The following RUNX1 variants were observed in gnomAD, a reference collection of about 807,000 sequenced individuals.
RUNX1 encodes RUNX family transcription factor 1.
A neutral mutation model predicts 42.8 loss-of-function variants in RUNX1; 19 were observed. The ratio of observed to expected loss-of-function variants is 0.44; its 90% CI spans 0.31 to 0.65. The LOEUF (loss-of-function observed/expected upper bound fraction) is 0.65. RUNX1 is among the 30% of genes least tolerant of loss of function. The probability of loss-of-function intolerance (pLI) is 0.07; values close to 1 mark genes in which losing one functional copy is unlikely to be tolerated. For missense variants in RUNX1, 528 were observed against 672.0 expected (o/e 0.79, Z 2.37); for synonymous variants, 271 against 289.4 (o/e 0.94, Z 0.64).
intron 5 of RUNX1, among the ~76,000 whole-genome samples, chr21:34,861,674 G>T (rs1359737818): frequency 6.6e-6 from 1 of 152,144 alleles, no homozygotes; most frequent in Non-Finnish European, 1.5e-5. Flanking sequence ...ATGGCATTGA[G>T]ATGCTGAGGT....
At chr21:34,973,159 T>A (rs2058775095) in intron 2 of RUNX1, among the ~76,000 whole-genome samples, 1 of 152,218 alleles carries the variant, frequency 6.6e-6, no homozygotes, top group African/African-American at 2.4e-5. Flanking sequence ...CAGTCCTGCA[T>A]GCTTATATGG....
intron 7 of RUNX1, among the ~76,000 whole-genome samples, chr21:34,819,897 G>C (rs1190587445): frequency 6.6e-6 from 1 of 152,236 alleles, no homozygotes; most frequent in Non-Finnish European, 1.5e-5. Flanking sequence ...CAGCCCCCAA[G>C]CAGGCTTAAA....
chr21:34,928,621 A>G (rs2058414672), intron 2 of RUNX1, among the ~76,000 whole-genome samples: 1 of 151,620 alleles, frequency 6.6e-6, no homozygotes, highest in African/African-American at 2.4e-5. Flanking sequence ...TGGAGGTTGC[A>G]GTGAGCCAAG....
intron 7 of RUNX1, among the ~76,000 whole-genome samples, chr21:34,816,885 T>G (rs940843242): frequency 1.3e-5 from 2 of 152,150 alleles, no homozygotes; most frequent in African/African-American, 4.8e-5. Flanking sequence ...TTCGGAAGAA[T>G]GGAGCACCTT....
intron 2 of RUNX1, among the ~76,000 whole-genome samples, chr21:35,036,980 T>C (rs1218198342): frequency 1.3e-5 from 2 of 152,158 alleles, no homozygotes; most frequent in Non-Finnish European, 2.9e-5. Flanking sequence ...TGTGGTTTCT[T>C]CTGTACATGT....
rs1164128451 is a variant in RUNX1, at chr21:34,895,952, G to A, written c.59-2989C>T. On this transcript the variant is annotated intron_variant, in intron 2 of 8. Coordinates refer to ENST00000675419, the MANE Select transcript of RUNX1 (RefSeq NM_001754.5). ...GGGAGCTATAGCAGTTGTCAGACAA[G>A]GGGTCATGAGGATCTGGATTAAGCA... Among the ~76,000 whole-genome samples the A allele has an allele frequency of 4.1e-5, 6 of 148,072 alleles. No homozygotes were observed. In the East Asian group the frequency reaches 1.2e-3, roughly 29 times the overall value.
chr21:34,812,010 A>G (rs1359501909), intron 7 of RUNX1, among the ~76,000 whole-genome samples: 5 of 151,660 alleles, frequency 3.3e-5, no homozygotes, highest in Non-Finnish European at 7.4e-5. Context: ...CCCCTGAGAA[A>G]TAGCTCTCTT....
At chr21:34,888,816 C>G (rs1351677954) in intron 3 of RUNX1, 1 of 420,246 alleles carries the variant, frequency 2.4e-6, no homozygotes, top group Non-Finnish European at 3.3e-6. Context: ...TCAGCCAGGG[C>G]GCGGCTCGCC....
At chr21:35,011,855 A>T (rs1180177720) in intron 2 of RUNX1, among the ~76,000 whole-genome samples, 4 of 152,198 alleles carry the variant, frequency 2.6e-5, no homozygotes, top group Admixed American at 2.0e-4. Context: ...TCTCTGTTCA[A>T]ATAAAGTCTG....
At chr21:35,034,540 AC>A (rs1342768478) in intron 2 of RUNX1, among the ~76,000 whole-genome samples, 1 of 152,228 alleles carries the variant, frequency 6.6e-6, no homozygotes, top group African/African-American at 2.4e-5. Flanking sequence ...TCTCCAAAAA[AC>A]ATTCCAGATT....
chr21:34,871,039 C>G (rs1445658528), intron 5 of RUNX1, among the ~76,000 whole-genome samples: 1 of 152,198 alleles, frequency 6.6e-6, no homozygotes, highest in Non-Finnish European at 1.5e-5. Flanking sequence ...TCTAATGTCA[C>G]TCATGATACC....
chr21:34,938,233 A>C (rs528367967), intron 2 of RUNX1, among the ~76,000 whole-genome samples: 1 of 152,260 alleles, frequency 6.6e-6, no homozygotes, highest in African/African-American at 2.4e-5. Flanking sequence ...TTCCCAGGAG[A>C]AGTAAAATTG....
intron 2 of RUNX1, among the ~76,000 whole-genome samples, chr21:34,912,775 G>A (rs557950530): frequency 2.0e-5 from 3 of 152,362 alleles, no homozygotes; most frequent in South Asian, 4.1e-4. Context: ...CAGGACATGT[G>A]TGATGACAGA....
At chr21:34,935,969 T>C (rs774014514) in intron 2 of RUNX1, among the ~76,000 whole-genome samples, 15 of 152,156 alleles carry the variant, frequency 9.9e-5, no homozygotes, top group Non-Finnish European at 2.2e-4. Context: ...TCTGCCAATG[T>C]TTATACATAG....
intron 7 of RUNX1, among the ~76,000 whole-genome samples, chr21:34,804,022 T>G (rs2056645008): frequency 3.9e-5 from 6 of 152,220 alleles, no homozygotes. Flanking sequence ...AATCCATGAC[T>G]TTTCTTAAGT....
intron 7 of RUNX1, among the ~76,000 whole-genome samples, chr21:34,818,313 G>A (rs2056859774): frequency 1.3e-5 from 2 of 152,218 alleles, no homozygotes; most frequent in South Asian, 4.1e-4. Context: ...TGTTAGTATT[G>A]TTTGTTTGTT....
chr21:34,968,822 T>C (rs2058739776), intron 2 of RUNX1, among the ~76,000 whole-genome samples: 1 of 152,110 alleles, frequency 6.6e-6, no homozygotes, highest in African/African-American at 2.4e-5. Flanking sequence ...TAACAGAAAG[T>C]GTTGTCATTT....
rs145398828 is a variant in RUNX1 at position 35,047,514 on chromosome 21, AACACACACACACACAC to A, written c.58+1312_58+1327del. ...CTTTAACTTCTCTCTTGCCATCTCC[AACACACACACACACAC>A]ACACACACACACACACACACACACA... On this transcript the variant is annotated intron_variant, in intron 2 of 8. Coordinates refer to ENST00000675419, the MANE Select transcript of RUNX1 (RefSeq NM_001754.5). Among the ~76,000 whole-genome samples the A allele has an allele frequency of 5.2e-3, 367 of 70,630 alleles. 2 individuals are homozygous for A. Among genetic ancestry groups the A allele is most frequent in the African/African-American group, 5.7e-3 (111 of 19,416 alleles). 46.3% of individuals were successfully genotyped at this position (70,630 alleles called of 152,430 possible). A position where few individuals can be genotyped will look rare whatever the true frequency, so the allele number is the denominator to read the frequency against.
intron 2 of RUNX1, among the ~76,000 whole-genome samples, chr21:34,946,702 C>T (rs1339651953): frequency 6.6e-6 from 1 of 152,138 alleles, no homozygotes; most frequent in African/African-American, 2.4e-5. Flanking sequence ...GCTGAGTGTA[C>T]AAGAGCTTCC....
Sources: gnomAD v4.1 joint callset for allele counts (sites outside exome capture counted in the v4.1 genomes callset) on GRCh38, gnomAD v4.1.1 for gene constraint, MANE v1.5 for transcripts, NCBI Gene and HGNC (gene_info 2026-07-23, HGNC 2026-07-21) for gene names.